Variants in CCDC33 observed in about 807,000 individuals in gnomAD.
The protein encoded by CCDC33 is coiled-coil domain containing 33, also known as coiled-coil domain-containing protein 33.
CCDC33 carries 94 observed loss-of-function variants against 91.9 expected under a neutral mutation model. The ratio of observed to expected loss-of-function variants is 1.02; its 90% CI spans 0.87 to 1.21. CCDC33 has a LOEUF of 1.21. CCDC33 is among the 50% of genes most tolerant of loss of function. The pLI is 0.00. For synonymous variants in CCDC33, 396 were observed against 374.5 expected, an observed-to-expected ratio of 1.06 and a Z score of -0.66; for missense variants, 940 against 935.5, an observed-to-expected ratio of 1.00 and a Z score of -0.06.
chr15:74,336,111 A>G lies in CCDC33; in HGVS notation c.*58A>G. The G allele has an allele frequency of 6.3e-7, 1 of 1,590,372 alleles. No individual in the cohort carries two copies. The highest frequency in any genetic ancestry group is 8.6e-7 in the Non-Finnish European group (1 of 1,168,886). On this transcript the variant is annotated 3_prime_UTR_variant, in exon 19 of 19. Coordinates refer to ENST00000398814, the MANE Select transcript of CCDC33 (RefSeq NM_025055.5). Reference sequence around the variant, plus strand: ...GGGAGTCTCATCACCGCCCCCTAAAAATGACGTTATTAAATGTTGTAGCTC... The same window carrying G: ...GGGAGTCTCATCACCGCCCCCTAAAGATGACGTTATTAAATGTTGTAGCTC...
chr15:74,318,719 G>T, intron 11 of CCDC33: 1 of 709,552 alleles, frequency 1.4e-6, no homozygotes. Flanking sequence ...AGCAGCAGGT[G>T]TGTTGGGGTG....
In CCDC33 at chr15:74,266,661, A is replaced by T. The variant is rs2076173281; in HGVS notation, c.320-17A>T. 6 of 1,582,216 alleles carry T rather than the reference A, an allele frequency of 3.8e-6. No individual in the cohort carries two copies. The highest frequency in any genetic ancestry group is 5.2e-6 in the Non-Finnish European group (6 of 1,151,368). Reference sequence around the variant, plus strand: ...TCCATTTAAAAATAAACCTGGGCTCATTTTTTCTCTTTCCAGATGTGATCC... The same window carrying T: ...TCCATTTAAAAATAAACCTGGGCTCTTTTTTTCTCTTTCCAGATGTGATCC... On this transcript the variant is annotated splice_polypyrimidine_tract_variant and intron_variant, in intron 3 of 18. Coordinates refer to ENST00000398814, the MANE Select transcript of CCDC33 (RefSeq NM_025055.5).
chr15:74,277,867 G>A (rs1025980745), intron 7 of CCDC33, among the ~76,000 whole-genome samples: 12 of 152,158 alleles, frequency 7.9e-5, no homozygotes, highest in Non-Finnish European at 7.3e-5. Context: ...GGCAGCTAGC[G>A]TCTACTAAAT....
intron 7 of CCDC33, among the ~76,000 whole-genome samples, chr15:74,277,041 C>T (rs1387321122): frequency 6.6e-6 from 1 of 152,170 alleles, no homozygotes; most frequent in Admixed American, 6.5e-5. Flanking sequence ...CTACAGCACC[C>T]CACAGGCATC....
intron 11 of CCDC33, among the ~76,000 whole-genome samples, chr15:74,308,302 C>A (rs2142724277): frequency 6.6e-6 from 1 of 151,822 alleles, no homozygotes; most frequent in Non-Finnish European, 1.5e-5. Context: ...CAGTACAATC[C>A]AATTTCTTCC....
Position 74,241,488 on chromosome 15 carries a change from G to A in CCDC33, c.22-2497G>A, listed in dbSNP as rs532314384. Reference sequence around the variant, plus strand: ...GCCAGGAGGCCAGTGTGGCTGGAGCGGAGTGACCCACAGGGCCCGTGGGAC... The same window carrying A: ...GCCAGGAGGCCAGTGTGGCTGGAGCAGAGTGACCCACAGGGCCCGTGGGAC... On this transcript the variant is annotated intron_variant, in intron 1 of 18. Transcript: ENST00000398814. Among the ~76,000 whole-genome samples the A allele has an allele frequency of 5.9e-5, 9 of 152,314 alleles. No homozygotes were observed. In the South Asian group the frequency reaches 1.9e-3, roughly 32 times the overall value.
rs117214737 is a variant in CCDC33 at position 74,244,949 on chromosome 15, C to T, written c.185+801C>T. Among the ~76,000 whole-genome samples, 1 of 152,304 alleles carries T rather than the reference C, an allele frequency of 6.6e-6. No individual in the cohort carries two copies. Among genetic ancestry groups the T allele is most frequent in the East Asian group, 1.9e-4 (1 of 5,174 alleles). On this transcript the variant is annotated intron_variant, in intron 2 of 18. Transcript: ENST00000398814. This position sits in a 1 kb window ranked among gnomAD's most constrained non-coding sequence, Gnocchi z 4.2. The stretch of plus-strand genomic sequence containing the variant: ...TCCCCTCCCCCACCAATACTGGCAC[C>T]ATTCAGTTCCTGCCAAGAGTCTGTT...
At chr15:74,253,517 G>T (rs753513653) in intron 2 of CCDC33, among the ~76,000 whole-genome samples, 5 of 152,122 alleles carry the variant, frequency 3.3e-5, no homozygotes. Flanking sequence ...CTGGAATCCC[G>T]TTGATCTCCT....
chr15:74,256,422 G>A (rs1595957416), intron 2 of CCDC33, among the ~76,000 whole-genome samples: 1 of 60,406 alleles, frequency 1.7e-5, no homozygotes, highest in South Asian at 7.3e-4. Flanking sequence ...ACGGGAGAAA[G>A]GGGGTACTCG....
intron 11 of CCDC33, among the ~76,000 whole-genome samples, chr15:74,318,868 T>G (rs901712655): frequency 4.6e-5 from 7 of 152,094 alleles, no homozygotes; most frequent in Non-Finnish European, 5.9e-5. Flanking sequence ...CTAGGCCACC[T>G]GAGCCCACAC....
chr15:74,238,809 A>C (rs1000185742), intron 1 of CCDC33, among the ~76,000 whole-genome samples: 2 of 152,220 alleles, frequency 1.3e-5, no homozygotes, highest in Non-Finnish European at 2.9e-5. Context: ...AGGGATCCAC[A>C]TCCAAGGAAG....
intron 4 of CCDC33, among the ~76,000 whole-genome samples, chr15:74,267,782 T>C (rs1433308757): frequency 1.3e-5 from 2 of 152,174 alleles, no homozygotes; most frequent in Non-Finnish European, 2.9e-5. Context: ...TTTGAGGATC[T>C]CAAGCAATGA....
chr15:74,280,018 T>G lies in CCDC33; in HGVS notation c.815T>G (p.Phe272Cys). ...CCCCTGTGGAATCAGTCCTTCCTCT[T>G]CCAAGGCCGAGATGGAGCTACCAGC... ...EQPLWNQSFLFQGRDGATSFS... is the reference protein window; with the variant it reads ...EQPLWNQSFLCQGRDGATSFS... Residue 272 changes from phenylalanine (F) to cysteine (C), a missense_variant, in exon 8 of 19, where the codon TTC (phenylalanine) becomes TGC (cysteine). By Grantham distance (205) the Phe-to-Cys change is radical. Coordinates refer to ENST00000398814, the MANE Select transcript of CCDC33 (RefSeq NM_025055.5). 6.2e-7 allele frequency: 1 copy of G among 1,614,128 alleles called. No individual in the cohort carries two copies. Among genetic ancestry groups the G allele is most frequent in the Non-Finnish European group, 8.5e-7 (1 of 1,180,000 alleles).
downstream of CCDC33, chr15:74,336,422 C>A: frequency 7.7e-7 from 1 of 1,301,992 alleles, no homozygotes. Context: ...GGAGGCTTGT[C>A]CTTTTCATCT....
At chr15:74,243,099 T>A (rs2075399864) in intron 1 of CCDC33, among the ~76,000 whole-genome samples, 1 of 152,250 alleles carries the variant, frequency 6.6e-6, no homozygotes, top group South Asian at 2.1e-4. Context: ...GCTGAGTCCC[T>A]GCTTGGGGCA....
At chr15:74,260,349 C>A (rs2075989317) in intron 2 of CCDC33, among the ~76,000 whole-genome samples, 1 of 152,194 alleles carries the variant, frequency 6.6e-6, no homozygotes, top group Non-Finnish European at 1.5e-5. Flanking sequence ...GCAGAGCCTG[C>A]AGGGGTGTGT....
At chr15:74,296,325 T>C (rs899751535) in intron 11 of CCDC33, among the ~76,000 whole-genome samples, 7 of 152,076 alleles carry the variant, frequency 4.6e-5, no homozygotes, top group African/African-American at 1.7e-4. Context: ...AAACTGGGGC[T>C]CAAAAAAAGA....
intron 15 of CCDC33, 130 bp downstream of exon 15, chr15:74,331,426 C>A: frequency 1.1e-6 from 1 of 891,994 alleles, no homozygotes; most frequent in South Asian, 1.7e-5. Context: ...TGTCTGTGGG[C>A]CTGGGAGACC....
chr15:74,266,255 G>A (rs2076163214), intron 3 of CCDC33, among the ~76,000 whole-genome samples: 1 of 152,132 alleles, frequency 6.6e-6, no homozygotes, highest in Non-Finnish European at 1.5e-5. Flanking sequence ...TCCCCATCCT[G>A]CCTCAAGAGC....
Sources: allele counts gnomAD v4.1 joint callset (sites outside exome capture counted in the v4.1 genomes callset), GRCh38; gene constraint gnomAD v4.1.1; non-coding constraint Gnocchi (gnomAD v3.1); transcripts MANE v1.5; gene names NCBI Gene and HGNC (gene_info 2026-07-23, HGNC 2026-07-21).